AKAP12: variants seen among roughly 807,000 people sequenced by gnomAD.
The protein encoded by AKAP12 is A-kinase anchor protein 12.
In AKAP12, 32 loss-of-function variants were observed where a neutral mutation model predicts 79.9. The observed-to-expected ratio is 0.40, with a 90% CI of 0.30 to 0.54. AKAP12 has a LOEUF of 0.54. Ranked by LOEUF, AKAP12 falls within the 20% of genes least tolerant of loss-of-function variation. The pLI, the probability that AKAP12 is intolerant of heterozygous loss-of-function variation, is 0.48. For missense variants in AKAP12, 2,074 were observed against 2,177.0 expected, an observed-to-expected ratio of 0.95 and a Z score of 0.94; for synonymous variants, 808 against 857.0, an observed-to-expected ratio of 0.94 and a Z score of 1.00.
In AKAP12 at chr6:151,268,945, G is replaced by GTTTTTTTTTTTTTT. The variant is rs558502756; in HGVS notation, c.162+28242_162+28255dup. Among the ~76,000 whole-genome samples the GTTTTTTTTTTTTTT allele has an allele frequency of 6.5e-5, 5 of 77,434 alleles. 1 individual carries two copies. The highest frequency in any genetic ancestry group is 1.1e-4 in the Non-Finnish European group (4 of 38,086). 50.8% of individuals were successfully genotyped at this position (77,434 alleles called of 152,430 possible). ...AGGCATGAGCCACCGTGCTCGGCCT[G>GTTTTTTTTTTTTTT]TTTTTTTTTTTTTTTTTTTTTTTTT... On this transcript the variant is annotated intron_variant, in intron 2 of 4. Coordinates refer to ENST00000402676, the MANE Select transcript of AKAP12 (RefSeq NM_005100.4).
chr6:151,342,546 G>A (rs1375719464), intron 3 of AKAP12, among the ~76,000 whole-genome samples: 2 of 152,280 alleles, frequency 1.3e-5, no homozygotes, highest in South Asian at 2.1e-4. Flanking sequence ...CGTGGAGGCC[G>A]AAATCAGGCT....
intron 2 of AKAP12, among the ~76,000 whole-genome samples, chr6:151,266,092 A>G (rs543503386): frequency 6.6e-6 from 1 of 152,314 alleles, no homozygotes; most frequent in South Asian, 2.1e-4. Flanking sequence ...GAATAAATGT[A>G]ATTGATCATC....
Position 151,353,298 on chromosome 6 carries a change from A to G in AKAP12, c.4907A>G (p.Glu1636Gly). 1 of 1,614,182 alleles carries G rather than the reference A, an allele frequency of 6.2e-7. No individual in the cohort carries two copies. Among genetic ancestry groups the G allele is most frequent in the Non-Finnish European group, 8.5e-7 (1 of 1,180,038 alleles). The stretch of plus-strand genomic sequence containing the variant: ...TCTGATATTTCCAAAGACATGAGTG[A>G]AGCCTCAGAAAAGACCATGACTGTT... ...AHSDISKDMS[E>G]ASEKTMTVEV... The change falls in exon 4 of 5, where the codon GAA becomes GGA. Residue 1636 changes from glutamate to glycine, a missense_variant. This residue lies in a region of AKAP12 where 614 missense variants were observed against 665.6 expected (regional missense o/e 0.92). Coordinates refer to ENST00000402676, the MANE Select transcript of AKAP12 (RefSeq NM_005100.4).
chr6:151,310,337 C>T (rs1338642387), intron 3 of AKAP12, among the ~76,000 whole-genome samples: 2 of 151,962 alleles, frequency 1.3e-5, no homozygotes, highest in South Asian at 2.1e-4. Context: ...GCACTCCAGC[C>T]TGGGCAACAA....
At chr6:151,311,353 G>A (rs1777094936) in intron 3 of AKAP12, among the ~76,000 whole-genome samples, 1 of 152,222 alleles carries the variant, frequency 6.6e-6, no homozygotes, top group Admixed American at 6.5e-5. Context: ...GCAGCTGGGT[G>A]CTCTGACCTT....
intron 2 of AKAP12, among the ~76,000 whole-genome samples, chr6:151,273,632 C>G (rs1582848183): frequency 6.6e-6 from 1 of 152,086 alleles, no homozygotes; most frequent in Non-Finnish European, 1.5e-5. Flanking sequence ...ACTTTTATGT[C>G]AAACTTAAGG....
chr6:151,242,277 A>G (rs886337553), intron 2 of AKAP12, among the ~76,000 whole-genome samples: 5 of 152,276 alleles, frequency 3.3e-5, no homozygotes, highest in African/African-American at 1.2e-4. Context: ...TCACCCTGAA[A>G]TATGGGATTT....
At chr6:151,295,949 C>T (rs762794813) in intron 2 of AKAP12, among the ~76,000 whole-genome samples, 4 of 152,238 alleles carry the variant, frequency 2.6e-5, no homozygotes, top group Non-Finnish European at 5.9e-5. Flanking sequence ...TGAACTCAGT[C>T]GAGCTTAAAG....
chr6:151,316,349 G>A (rs1010717720), intron 3 of AKAP12, among the ~76,000 whole-genome samples: 2 of 152,172 alleles, frequency 1.3e-5, no homozygotes, highest in Non-Finnish European at 2.9e-5. Flanking sequence ...TCTTAACATG[G>A]ACGTGCAATA....
chr6:151,312,737 A>G (rs973121602), intron 3 of AKAP12, among the ~76,000 whole-genome samples: 1 of 148,370 alleles, frequency 6.7e-6, no homozygotes. Flanking sequence ...GGTTGTAGTA[A>G]GCCGAGATCG....
rs149415779 is a variant in AKAP12, at chr6:151,353,158, C to T, written c.4767C>T (p.Asp1589=). 2.5e-4 allele frequency: 409 copies of T among 1,614,172 alleles called. 2 individuals carry two copies. In the African/African-American group the frequency reaches 4.8e-3, roughly 19 times the overall value. Residue 1589 remains aspartate (D), a synonymous_variant, in exon 4 of 5, where the codon GAC becomes GAT. Transcript: ENST00000402676. ...QAHVIKADSQ[D]AGQETEKEGE... is the part of the protein sequence containing the mutation. ...ACGTGATAAAAGCTGACAGCCAGGACGCTGGACAGGAAACGGAGAAAGAAG... is the reference window on the plus strand; with the variant it reads ...ACGTGATAAAAGCTGACAGCCAGGATGCTGGACAGGAAACGGAGAAAGAAG...
At chr6:151,255,636 A>C (rs908925430) in intron 2 of AKAP12, among the ~76,000 whole-genome samples, 2 of 152,022 alleles carry the variant, frequency 1.3e-5, no homozygotes, top group African/African-American at 4.8e-5. Flanking sequence ...TGCCTCTACA[A>C]GAAATTAGCC....
chr6:151,295,059 C>T (rs544849022), intron 2 of AKAP12, among the ~76,000 whole-genome samples: 7 of 152,252 alleles, frequency 4.6e-5, no homozygotes, highest in Admixed American at 1.3e-4. Flanking sequence ...TGAGATAATG[C>T]GTGGTATGTT....
chr6:151,326,973 C>T (rs191402268), intron 3 of AKAP12, among the ~76,000 whole-genome samples: 84 of 152,154 alleles, frequency 5.5e-4, no homozygotes, highest in African/African-American at 1.6e-3. Context: ...CGTGCCACCA[C>T]GCCCAGATAA....
chr6:151,303,207 A>C (rs1776898873), intron 2 of AKAP12, among the ~76,000 whole-genome samples: 1 of 152,190 alleles, frequency 6.6e-6, no homozygotes, highest in Non-Finnish European at 1.5e-5. Context: ...AAAAATAAAA[A>C]AAAGAAATAC....
chr6:151,306,795 C>A (rs1212903255), intron 3 of AKAP12, among the ~76,000 whole-genome samples: 1 of 152,162 alleles, frequency 6.6e-6, no homozygotes, highest in Non-Finnish European at 1.5e-5. Flanking sequence ...GTATATAGCA[C>A]CACAGGCACA....
At chr6:151,328,030 A>C (rs1030739690) in intron 3 of AKAP12, among the ~76,000 whole-genome samples, 3 of 152,230 alleles carry the variant, frequency 2.0e-5, no homozygotes, top group Non-Finnish European at 4.4e-5. Context: ...TGAGAGCTTT[A>C]AAAATTGACA....
At chr6:151,325,838 T>C (rs1350374513) in intron 3 of AKAP12, 13 of 1,614,014 alleles carry the variant, frequency 8.1e-6, no homozygotes, top group Admixed American at 3.3e-5. Flanking sequence ...GCTGATCTCC[T>C]GTACAGTAGT....
intron 3 of AKAP12, among the ~76,000 whole-genome samples, chr6:151,345,887 GTGTGTATA>G (rs1433054899): frequency 6.1e-5 from 6 of 98,018 alleles, no homozygotes; most frequent in African/African-American, 8.5e-5. Flanking sequence ...TGAAGGATGT[GTGTGTATA>G]TGTGTGTGTG....
Sources: allele counts gnomAD v4.1 joint callset (sites outside exome capture counted in the v4.1 genomes callset), GRCh38; gene constraint gnomAD v4.1.1; regional missense constraint gnomAD v4.1.1; transcripts MANE v1.5; gene names NCBI Gene and HGNC (gene_info 2026-07-23, HGNC 2026-07-21).